The following NXPE4 variants were observed in gnomAD, a reference collection of about 807,000 sequenced individuals.
NXPE4 encodes NXPE family member 4.
NXPE4 carries 42 observed loss-of-function variants against 33.3 expected under a neutral mutation model. The ratio of observed to expected loss-of-function variants is 1.26; its 90% CI spans 0.98 to 1.63. The LOEUF (loss-of-function observed/expected upper bound fraction) is 1.63. NXPE4 is among the 40% of genes most tolerant of loss of function. The pLI is 0.00. For synonymous variants in NXPE4, 253 were observed against 234.9 expected (o/e 1.08, Z -0.71); for missense variants, 709 against 647.6 (o/e 1.09, Z -1.03).
the NXPE4 span, among the ~76,000 whole-genome samples, chr11:114,654,683 G>C: frequency 6.6e-6 from 1 of 152,052 alleles, no homozygotes; most frequent in African/African-American, 2.4e-5. Flanking sequence ...GTATTCCATG[G>C]TGTATATATA....
the NXPE4 span, among the ~76,000 whole-genome samples, chr11:114,673,367 T>G: frequency 6.6e-6 from 1 of 151,302 alleles, no homozygotes; most frequent in Non-Finnish European, 1.5e-5. Context: ...ACACCCATAT[T>G]AAAAAAGAAG....
chr11:114,617,306 C>A, the NXPE4 span, among the ~76,000 whole-genome samples: 1 of 141,834 alleles, frequency 7.1e-6, no homozygotes, highest in Non-Finnish European at 1.5e-5. Flanking sequence ...CCACCAGATA[C>A]TAAGTTTTGC....
intron 2 of NXPE4, among the ~76,000 whole-genome samples, chr11:114,588,361 T>G (rs573708064): frequency 1.3e-5 from 2 of 152,280 alleles, no homozygotes; most frequent in South Asian, 4.1e-4. Context: ...AGGCCAATTT[T>G]CTGATGACCC....
At chr11:114,629,349 T>A in the NXPE4 span, among the ~76,000 whole-genome samples, 16 of 152,242 alleles carry the variant, frequency 1.1e-4, no homozygotes, top group South Asian at 3.3e-3. Flanking sequence ...ATCCCTGGGA[T>A]GCAAGCCTGG....
chr11:114,677,813 CT>C, the NXPE4 span, among the ~76,000 whole-genome samples: 6 of 152,054 alleles, frequency 3.9e-5, no homozygotes, highest in African/African-American at 1.4e-4. Flanking sequence ...TCTAGACACT[CT>C]CATGCAGAGC....
At chr11:114,639,866 T>TATAAAATATAATA in the NXPE4 span, among the ~76,000 whole-genome samples, 1 of 44,488 alleles carries the variant, frequency 2.2e-5, no homozygotes, top group Non-Finnish European at 3.9e-5. Flanking sequence ...ATATTATATT[T>TATAAAATATAATA]TATATTAAAT....
At chr11:114,584,551 T>C (rs915347091) in intron 2 of NXPE4, 7 of 162,906 alleles carry the variant, frequency 4.3e-5, no homozygotes, top group African/African-American at 1.7e-4. Flanking sequence ...GGCTGCAAGA[T>C]CTCTCCCATC....
At chr11:114,604,205 GCCTTGTGGGTAACCACTGTTA>G in the NXPE4 span, among the ~76,000 whole-genome samples, 5 of 152,054 alleles carry the variant, frequency 3.3e-5, no homozygotes, top group African/African-American at 9.7e-5. Context: ...AATAAGTATT[GCCTTGTGGGTAACCACTGTTA>G]CCCGGTTTAT....
the NXPE4 span, among the ~76,000 whole-genome samples, chr11:114,640,780 T>C: frequency 6.6e-6 from 1 of 152,046 alleles, no homozygotes; most frequent in East Asian, 1.9e-4. Flanking sequence ...TCCATGTAAT[T>C]TACTCACTTT....
the NXPE4 span, among the ~76,000 whole-genome samples, chr11:114,602,390 ATAT>A: frequency 7.8e-6 from 1 of 128,790 alleles, no homozygotes; most frequent in Non-Finnish European, 1.6e-5. Flanking sequence ...ATTATGCTAT[ATAT>A]TATATATTAT....
chr11:114,662,978 G>C, the NXPE4 span, among the ~76,000 whole-genome samples: 1 of 152,110 alleles, frequency 6.6e-6, no homozygotes, highest in Admixed American at 6.6e-5. Flanking sequence ...CAATGGAGGA[G>C]AGCAACAAGC....
intron 4 of NXPE4, among the ~76,000 whole-genome samples, chr11:114,580,846 G>A (rs1949128565): frequency 6.6e-6 from 1 of 152,168 alleles, no homozygotes; most frequent in South Asian, 2.1e-4. Context: ...GCTGGAGAGT[G>A]TCTTAGAGGT....
chr11:114,572,684 T>C (rs550460869), intron 5 of NXPE4, among the ~76,000 whole-genome samples: 1 of 152,202 alleles, frequency 6.6e-6, no homozygotes, highest in African/African-American at 2.4e-5. Flanking sequence ...TTTTAAAAAA[T>C]GAACAAAGCC....
At chr11:114,592,652 A>G (rs1205157655) in intron 2 of NXPE4, among the ~76,000 whole-genome samples, 1 of 152,152 alleles carries the variant, frequency 6.6e-6, no homozygotes, top group Non-Finnish European at 1.5e-5. Flanking sequence ...AATACCAATA[A>G]TATTCTTCAT....
chr11:114,633,504 G>T, the NXPE4 span, among the ~76,000 whole-genome samples: 1 of 149,984 alleles, frequency 6.7e-6, no homozygotes, highest in African/African-American at 2.4e-5. Context: ...GGGTACATGT[G>T]CACAATGTGC....
the NXPE4 span, among the ~76,000 whole-genome samples, chr11:114,645,230 G>A: frequency 6.6e-6 from 1 of 152,196 alleles, no homozygotes; most frequent in African/African-American, 2.4e-5. Flanking sequence ...GAACCCGAGA[G>A]GCAGAAGCTG....
the NXPE4 span, among the ~76,000 whole-genome samples, chr11:114,675,891 A>G: frequency 2.0e-5 from 3 of 151,928 alleles, 1 homozygote; most frequent in Admixed American, 1.3e-4. Context: ...GTATGGGCAT[A>G]AAAACAGACA....
chr11:114,626,441 T>G, the NXPE4 span, among the ~76,000 whole-genome samples: 2 of 151,502 alleles, frequency 1.3e-5, no homozygotes, highest in Admixed American at 6.6e-5. Flanking sequence ...GGCCGGGTAC[T>G]CCAACAGACC....
At chr11:114,661,126 G>A in the NXPE4 span, among the ~76,000 whole-genome samples, 2 of 152,094 alleles carry the variant, frequency 1.3e-5, no homozygotes, top group East Asian at 1.9e-4. Flanking sequence ...AAATAAATGG[G>A]CTCTGTTTGT....
Sources: gnomAD v4.1 joint callset for allele counts (sites outside exome capture counted in the v4.1 genomes callset) on GRCh38, gnomAD v4.1.1 for gene constraint, MANE v1.5 for transcripts, NCBI Gene and HGNC (gene_info 2026-07-23, HGNC 2026-07-21) for gene names.